Variants in TMEM178B observed in about 807,000 individuals in gnomAD.
TMEM178B encodes transmembrane protein 178B.
Under a neutral mutation model 31.0 loss-of-function variants are expected in TMEM178B, and 5 were observed. The observed-to-expected ratio is 0.16, with a 90% CI of 0.08 to 0.34. The LOEUF is 0.34. Ranked by LOEUF, TMEM178B falls within the 10% of genes least tolerant of loss-of-function variation. The probability of loss-of-function intolerance (pLI) is 1.00; values close to 1 mark genes in which losing one functional copy is unlikely to be tolerated. For synonymous variants in TMEM178B, 164 were observed against 164.0 expected (o/e 1.00, Z 0.00); for missense variants, 275 against 400.3 (o/e 0.69, Z 2.67).
rs1311649688 is a variant in TMEM178B at position 141,344,628 on chromosome 7, CTCCCTTCCTTCT to C, written c.497-92972_497-92961del. ...CCTTCCTTCCTTCCTTCCTTCCTTC[CTCCCTTCCTTCT>C]TCCCTTCATCAAAAGACCTCTCAGA... On this transcript the variant is annotated intron_variant, in intron 2 of 3. Transcript: ENST00000565468. The surrounding 1 kb of genome is among the most constrained non-coding windows in gnomAD (Gnocchi z 4.1). Among the ~76,000 whole-genome samples, 87 of 145,216 alleles carry C rather than the reference CTCCCTTCCTTCT, an allele frequency of 6.0e-4. 1 individual carries two copies. Among genetic ancestry groups the C allele is most frequent in the African/African-American group, 2.0e-3 (77 of 38,106 alleles).
At chr7:141,398,088 G>C (rs1347609074) in intron 2 of TMEM178B, among the ~76,000 whole-genome samples, 3 of 152,202 alleles carry the variant, frequency 2.0e-5, no homozygotes, top group African/African-American at 4.8e-5. Context: ...AGTTTGGGGA[G>C]GGGTGTCCCA....
intron 1 of TMEM178B, among the ~76,000 whole-genome samples, chr7:141,080,247 G>C (rs1486877248): frequency 6.6e-6 from 1 of 152,172 alleles, no homozygotes; most frequent in Non-Finnish European, 1.5e-5. Flanking sequence ...ATTTATTGAG[G>C]GCCTTTGGGC....
At chr7:141,365,029 C>T (rs1202840842) in intron 2 of TMEM178B, among the ~76,000 whole-genome samples, 10 of 152,252 alleles carry the variant, frequency 6.6e-5, no homozygotes, top group African/African-American at 1.9e-4. Context: ...CTGGACTAAA[C>T]GAAACACATC....
At chr7:141,298,244 A>AT (rs551441260) in intron 2 of TMEM178B, among the ~76,000 whole-genome samples, 53 of 152,228 alleles carry the variant, frequency 3.5e-4, no homozygotes, top group African/African-American at 1.3e-3. Flanking sequence ...TTCTTTGTAG[A>AT]TTGTGGATAT....
chr7:141,326,851 T>C (rs1273300424), intron 2 of TMEM178B, among the ~76,000 whole-genome samples: 1 of 152,198 alleles, frequency 6.6e-6, no homozygotes, highest in Non-Finnish European at 1.5e-5. Flanking sequence ...GTTCTCTATA[T>C]GTGTTGTCCG....
chr7:141,285,473 A>G (rs1239794639), intron 2 of TMEM178B, among the ~76,000 whole-genome samples: 1 of 151,952 alleles, frequency 6.6e-6, no homozygotes, highest in Non-Finnish European at 1.5e-5. Flanking sequence ...AGGGTTCCAC[A>G]GTGCATTTAG....
chr7:141,393,352 G>A (rs1341534979), intron 2 of TMEM178B, among the ~76,000 whole-genome samples: 3 of 152,150 alleles, frequency 2.0e-5, no homozygotes, highest in African/African-American at 4.8e-5. Flanking sequence ...CTTGAAACCA[G>A]GAGAAAGAAA....
intron 2 of TMEM178B, among the ~76,000 whole-genome samples, chr7:141,386,515 G>C (rs1459936515): frequency 6.6e-6 from 1 of 151,958 alleles, no homozygotes; most frequent in Non-Finnish European, 1.5e-5. Flanking sequence ...ATATTTATGG[G>C]GTACAATTTG....
intron 2 of TMEM178B, among the ~76,000 whole-genome samples, chr7:141,235,022 A>T (rs1195928606): frequency 6.6e-6 from 1 of 152,194 alleles, no homozygotes; most frequent in African/African-American, 2.4e-5. Context: ...AAATCCTAGG[A>T]TCAATTTTCA....
At chr7:141,093,894 C>G (rs1410517027) in intron 1 of TMEM178B, among the ~76,000 whole-genome samples, 1 of 151,896 alleles carries the variant, frequency 6.6e-6, no homozygotes, top group African/African-American at 2.4e-5. Flanking sequence ...AAAACTTGAC[C>G]AAGAGTGAAT....
At chr7:141,276,248 T>A (rs1422129037) in intron 2 of TMEM178B, among the ~76,000 whole-genome samples, 1 of 151,672 alleles carries the variant, frequency 6.6e-6, no homozygotes, top group Non-Finnish European at 1.5e-5. Context: ...ATCCAGTGAG[T>A]CCTGTGGAAA....
Position 141,384,268 on chromosome 7 carries a change from G to C in TMEM178B, c.497-53340G>C, listed in dbSNP as rs1586925448. 2.0e-5 allele frequency among the ~76,000 whole-genome samples: 3 copies of C among 152,150 alleles called. No individual in the cohort carries two copies. In the East Asian group the frequency reaches 5.8e-4, roughly 29 times the overall value. ...TTGGCTTTTGTTGCCATTGCTTTTG[G>C]TGTTTTAGACATGAAGTCCTTGCCC... On this transcript the variant is annotated intron_variant, in intron 2 of 3. Transcript: ENST00000565468.
At chr7:141,191,196 G>A (rs571263848) in intron 1 of TMEM178B, among the ~76,000 whole-genome samples, 27 of 152,212 alleles carry the variant, frequency 1.8e-4, no homozygotes, top group African/African-American at 2.9e-4. Flanking sequence ...TTTCTAAAGC[G>A]TCTTGTCTAT....
chr7:141,121,784 A>G lies in TMEM178B; in HGVS notation c.382+47092A>G, dbSNP rs6979007. Among the ~76,000 whole-genome samples, 230 of 152,286 alleles carry G rather than the reference A, an allele frequency of 1.5e-3. 1 individual carries two copies. The highest frequency in any genetic ancestry group is 5.4e-3 in the African/African-American group (224 of 41,564). ...ATCTTTTCCTCCCCATGAACCTGGT[A>G]TCATTGTCTTAGGCTTTCCTTGGGT... is the stretch of plus-strand genomic sequence containing the variant. On this transcript the variant is annotated intron_variant, in intron 1 of 3. Transcript: ENST00000565468.
the TMEM178B span, among the ~76,000 whole-genome samples, chr7:141,500,115 C>T: frequency 0.033 from 4,952 of 152,122 alleles, 116 homozygotes; most frequent in Middle Eastern, 0.075. Context: ...AGAATGATAA[C>T]GATAACACAT....
chr7:141,466,589 T>C (rs758585188), intron 3 of TMEM178B, among the ~76,000 whole-genome samples: 4 of 152,140 alleles, frequency 2.6e-5, no homozygotes, highest in Non-Finnish European at 5.9e-5. Flanking sequence ...TAAGAAGAAA[T>C]TTCTCCATTT....
chr7:141,122,892 T>C (rs1177326922), intron 1 of TMEM178B, among the ~76,000 whole-genome samples: 1 of 152,230 alleles, frequency 6.6e-6, no homozygotes, highest in Non-Finnish European at 1.5e-5. Context: ...CCAAACATTA[T>C]TTCCTGCCCA....
intron 2 of TMEM178B, among the ~76,000 whole-genome samples, chr7:141,247,486 C>T (rs539817358): frequency 1.3e-5 from 2 of 152,150 alleles, no homozygotes; most frequent in African/African-American, 2.4e-5. Context: ...AGGTTCTGCT[C>T]GAGATGTTTG....
At chr7:141,380,917 G>C (rs898780886) in intron 2 of TMEM178B, among the ~76,000 whole-genome samples, 1 of 152,162 alleles carries the variant, frequency 6.6e-6, no homozygotes, top group African/African-American at 2.4e-5. Context: ...ACATCTAGAA[G>C]AAAGCAGACC....
Sources: allele counts gnomAD v4.1 joint callset (sites outside exome capture counted in the v4.1 genomes callset), GRCh38; gene constraint gnomAD v4.1.1; non-coding constraint Gnocchi (gnomAD v3.1); transcripts MANE v1.5; gene names NCBI Gene and HGNC (gene_info 2026-07-23, HGNC 2026-07-21).